The following ARHGAP42 variants were observed in gnomAD, a reference collection of about 807,000 sequenced individuals.
The protein encoded by ARHGAP42 is rho GTPase-activating protein 42.
ARHGAP42 carries 63 observed loss-of-function variants against 125.0 expected under a neutral mutation model. That is an observed-to-expected ratio of 0.50 (90% CI 0.41 to 0.62). The LOEUF (loss-of-function observed/expected upper bound fraction) is 0.62, where lower values mean the gene tolerates loss of function less well. ARHGAP42 is among the 20% of genes least tolerant of loss of function. The probability of loss-of-function intolerance (pLI) is 0.00; values close to 1 mark genes in which losing one functional copy is unlikely to be tolerated. For synonymous variants in ARHGAP42, 339 were observed against 351.0 expected (o/e 0.97, Z 0.38); for missense variants, 766 against 1,024.2 (o/e 0.75, Z 3.44).
chr11:100,783,595 A>C (rs546745414), intron 2 of ARHGAP42, among the ~76,000 whole-genome samples: 5 of 152,194 alleles, frequency 3.3e-5, no homozygotes, highest in African/African-American at 1.2e-4. Context: ...CGAAAGCTGT[A>C]AGGGCCACTT....
intron 12 of ARHGAP42, among the ~76,000 whole-genome samples, chr11:100,954,775 A>G (rs1462190737): frequency 6.6e-6 from 1 of 152,136 alleles, no homozygotes; most frequent in Admixed American, 6.6e-5. Context: ...AATTTGGGCC[A>G]GGGCTATGGA....
intron 1 of ARHGAP42, among the ~76,000 whole-genome samples, chr11:100,751,277 G>GTTTTTTTTTTTTATTTTT (rs756243174): frequency 8.2e-6 from 1 of 121,624 alleles, no homozygotes; most frequent in Non-Finnish European, 1.7e-5. Flanking sequence ...GTGTGTGTGT[G>GTTTTTTTTTTTTATTTTT]TGTTTTTTTT....
intron 17 of ARHGAP42, among the ~76,000 whole-genome samples, 181 bp downstream of exon 17, chr11:100,965,957 T>C (rs999978371): frequency 1.3e-5 from 2 of 152,234 alleles, no homozygotes; most frequent in Non-Finnish European, 2.9e-5. Context: ...TGTGTACCTG[T>C]ATATGTTTAT....
chr11:100,764,670 T>G (rs376717335), intron 1 of ARHGAP42, among the ~76,000 whole-genome samples: 10 of 152,276 alleles, frequency 6.6e-5, no homozygotes, highest in African/African-American at 2.4e-4. Flanking sequence ...ATTAGGGGCT[T>G]GTAAGAATGT....
chr11:100,764,224 A>G (rs1455397361), intron 1 of ARHGAP42, among the ~76,000 whole-genome samples: 1 of 151,934 alleles, frequency 6.6e-6, no homozygotes, highest in Non-Finnish European at 1.5e-5. Context: ...AGGCCTTGCT[A>G]TGTTGCCCAG....
intron 10 of ARHGAP42, among the ~76,000 whole-genome samples, chr11:100,944,083 A>C (rs1400121354): frequency 1.5e-4 from 23 of 152,098 alleles, no homozygotes; most frequent in Admixed American, 1.5e-3. Flanking sequence ...CACTCAAAGC[A>C]GAATCTGAAA....
intron 3 of ARHGAP42, among the ~76,000 whole-genome samples, chr11:100,834,053 AT>A (rs1291536453): frequency 2.4e-4 from 36 of 152,160 alleles, no homozygotes; most frequent in Non-Finnish European, 8.8e-5. Context: ...GACCATATTG[AT>A]TTCTATATGG....
chr11:100,783,823 C>T (rs1396843836), intron 2 of ARHGAP42, among the ~76,000 whole-genome samples: 1 of 152,168 alleles, frequency 6.6e-6, no homozygotes, highest in Non-Finnish European at 1.5e-5. Context: ...ACTTTGGATT[C>T]CCTAAACTTC....
At chr11:100,929,080 G>T (rs1487027001) in intron 6 of ARHGAP42, among the ~76,000 whole-genome samples, 3 of 152,050 alleles carry the variant, frequency 2.0e-5, no homozygotes, top group African/African-American at 7.3e-5. Flanking sequence ...AACCTTTTTG[G>T]CACCAGAGAC....
chr11:100,773,346 A>AT (rs970836896), intron 2 of ARHGAP42, among the ~76,000 whole-genome samples: 2 of 152,058 alleles, frequency 1.3e-5, no homozygotes, highest in East Asian at 1.9e-4. Flanking sequence ...ATAATTTGGT[A>AT]TTTTTTTCTT....
At chr11:100,787,889 C>G (rs938085372) in intron 2 of ARHGAP42, among the ~76,000 whole-genome samples, 2 of 152,144 alleles carry the variant, frequency 1.3e-5, no homozygotes, top group African/African-American at 4.8e-5. Context: ...TGTGAAGAGT[C>G]TGGATTGGTG....
In ARHGAP42 at chr11:100,713,051, T is replaced by C. The variant is rs1446730444; in HGVS notation, c.154+25219T>C. On this transcript the variant is annotated intron_variant, in intron 1 of 23. Coordinates refer to ENST00000298815, the MANE Select transcript of ARHGAP42 (RefSeq NM_152432.4). ...CTTGGTTGTGGTAAGCACGTGGTTT[T>C]TGTGGACAAATTAATTATACCAGGT... 2.0e-5 allele frequency among the ~76,000 whole-genome samples: 3 copies of C among 151,828 alleles called. No individual in the cohort carries two copies. The East Asian group carries it at 5.8e-4, about 29-fold the overall frequency.
intron 1 of ARHGAP42, among the ~76,000 whole-genome samples, chr11:100,732,108 A>T (rs1861969489): frequency 6.6e-6 from 1 of 151,844 alleles, no homozygotes. Flanking sequence ...ACAGGCATAC[A>T]CCACATGCCC....
At chr11:100,844,371 T>C (rs1865013451) in intron 3 of ARHGAP42, among the ~76,000 whole-genome samples, 1 of 144,982 alleles carries the variant, frequency 6.9e-6, no homozygotes, top group Admixed American at 6.7e-5. Context: ...AAGAATCCTT[T>C]TAGAGATTGT....
intron 4 of ARHGAP42, among the ~76,000 whole-genome samples, chr11:100,887,483 T>C (rs562522480): frequency 8.5e-5 from 13 of 152,364 alleles, no homozygotes; most frequent in African/African-American, 3.1e-4. Flanking sequence ...TTATTTCTAC[T>C]TTTTGAAGTG....
chr11:100,792,791 C>T (rs972759256), intron 2 of ARHGAP42, among the ~76,000 whole-genome samples: 1 of 147,682 alleles, frequency 6.8e-6, no homozygotes, highest in African/African-American at 2.6e-5. Context: ...CTCTCTCTGT[C>T]ACCTAGGCTG....
At chr11:100,728,520 T>C (rs1333846458) in intron 1 of ARHGAP42, among the ~76,000 whole-genome samples, 1 of 152,024 alleles carries the variant, frequency 6.6e-6, no homozygotes, top group Non-Finnish European at 1.5e-5. Flanking sequence ...ATATGGTTGC[T>C]GGCTGGCTCT....
At chr11:100,890,882 G>A (rs1000486008) in intron 4 of ARHGAP42, among the ~76,000 whole-genome samples, 1 of 152,146 alleles carries the variant, frequency 6.6e-6, no homozygotes, top group African/African-American at 2.4e-5. Flanking sequence ...GGAGGGTTCT[G>A]TGTGTTTTGA....
At chr11:100,840,297 G>A (rs1156629196) in intron 3 of ARHGAP42, among the ~76,000 whole-genome samples, 13 of 152,066 alleles carry the variant, frequency 8.5e-5, no homozygotes. Context: ...TGTCAGTAAT[G>A]GTGATTTTCT....
Sources: allele counts gnomAD v4.1 joint callset (sites outside exome capture counted in the v4.1 genomes callset), GRCh38; gene constraint gnomAD v4.1.1; transcripts MANE v1.5; gene names NCBI Gene and HGNC (gene_info 2026-07-23, HGNC 2026-07-21).